The following GLB1 variants were observed in gnomAD, a reference collection of about 807,000 sequenced individuals.
GLB1 encodes beta-galactosidase.
GLB1 carries 56 observed loss-of-function variants against 74.0 expected under a neutral mutation model. That is an observed-to-expected ratio of 0.76 (90% CI 0.61 to 0.94). The LOEUF is 0.94. Among genes scored for constraint, GLB1 ranks in the 40% least tolerant of loss-of-function variants. The pLI is 0.00. For missense variants in GLB1, 787 were observed against 845.5 expected, an observed-to-expected ratio of 0.93 and a Z score of 0.86; for synonymous variants, 323 against 323.6, an observed-to-expected ratio of 1.00 and a Z score of 0.02.
chr3:32,977,194 C>A, the GLB1 span, among the ~76,000 whole-genome samples: 1 of 148,188 alleles, frequency 6.7e-6, no homozygotes, highest in Non-Finnish European at 1.5e-5. Flanking sequence ...GTTTTAAAGA[C>A]AAACCTCATC....
intron 6 of GLB1, among the ~76,000 whole-genome samples, chr3:33,054,943 C>A (rs1460967773): frequency 6.6e-6 from 1 of 152,214 alleles, no homozygotes; most frequent in East Asian, 1.9e-4. Flanking sequence ...CCAGGGTGGA[C>A]GTGGCCCCAG....
chr3:32,984,929 G>A, the GLB1 span, among the ~76,000 whole-genome samples: 10 of 148,760 alleles, frequency 6.7e-5, no homozygotes, highest in South Asian at 1.1e-3. Flanking sequence ...GTGACAGAGC[G>A]AGACTCTGTC....
intron 15 of GLB1, among the ~76,000 whole-genome samples, chr3:33,012,047 C>A (rs1165556650): frequency 6.6e-6 from 1 of 152,170 alleles, no homozygotes; most frequent in Admixed American, 6.5e-5. Context: ...TTGGTCTCTC[C>A]TCTTCAGTCT....
intron 5 of GLB1, among the ~76,000 whole-genome samples, chr3:33,060,778 G>T (rs896173798): frequency 4.6e-5 from 7 of 152,184 alleles, no homozygotes; most frequent in African/African-American, 1.7e-4. Context: ...GCTGGCAGGG[G>T]CCCAACTGTC....
chr3:32,968,814 A>G, the GLB1 span, among the ~76,000 whole-genome samples: 1 of 152,334 alleles, frequency 6.6e-6, no homozygotes, highest in African/African-American at 2.4e-5. Context: ...AATGAAAGGG[A>G]GGCCATAGAG....
intron 15 of GLB1, among the ~76,000 whole-genome samples, chr3:33,003,542 C>T (rs1052743009): frequency 6.6e-5 from 10 of 152,144 alleles, no homozygotes; most frequent in African/African-American, 1.9e-4. Context: ...TCAAAGTTCA[C>T]GGGACTTGTG....
intron 7 of GLB1, among the ~76,000 whole-genome samples, chr3:33,052,212 T>A (rs1411175756): frequency 6.6e-6 from 1 of 152,194 alleles, no homozygotes; most frequent in Non-Finnish European, 1.5e-5. Flanking sequence ...GTAGATCTCA[T>A]CTTATACAAT....
chr3:33,094,383 T>C (rs1204235512), intron 1 of GLB1: 1 of 1,363,902 alleles, frequency 7.3e-7, no homozygotes. Flanking sequence ...GCCACTTACA[T>C]CTGCCCAACC....
At chr3:33,060,809 G>A (rs1699412660) in intron 5 of GLB1, among the ~76,000 whole-genome samples, 1 of 152,150 alleles carries the variant, frequency 6.6e-6, no homozygotes. Flanking sequence ...TCTGAGCTCT[G>A]CCACTTCCTA....
chr3:33,052,055 T>C lies in GLB1; in HGVS notation c.793-51A>G, dbSNP rs113749704. 8.0e-4 allele frequency: 1,285 copies of C among 1,606,746 alleles called. 12 individuals are homozygous for C. In the African/African-American group the frequency reaches 9.2e-3, roughly 12 times the overall value. ...TTAGGATAGACTTATGACCTTCCAA[T>C]GCCAGGGCTTCCCTGCAATGCCCCA... On this transcript the variant is annotated intron_variant, in intron 7 of 15. Transcript: ENST00000307363.
chr3:33,021,599 G>A lies in GLB1; in HGVS notation c.1200C>T (p.Ser400=). 1 of 1,614,032 alleles carries A rather than the reference G, an allele frequency of 6.2e-7. No homozygotes were observed. The change falls in exon 12 of 16, where the codon AGC becomes AGT. Residue 400 remains serine, a synonymous_variant. Transcript: ENST00000307363. ...DILCPSGPIK[S]LYPLTFIQVK... is the part of the protein sequence containing the mutation. ...CCTGGATAAATGTCAAGGGATAAAGGCTTTTGATGGGCCCAGAGGGACACA... is the reference window on the plus strand; with the variant it reads ...CCTGGATAAATGTCAAGGGATAAAGACTTTTGATGGGCCCAGAGGGACACA...
chr3:33,014,095 C>A lies in GLB1; in HGVS notation c.1695G>T (p.Leu565Phe), dbSNP rs748372075. 6.2e-7 allele frequency: 1 copy of A among 1,614,160 alleles called. No homozygotes were observed. Among genetic ancestry groups the A allele is most frequent in the East Asian group, 2.2e-5 (1 of 44,878 alleles). ...NFSIPSGIPD[L>F]PQDTFIQFPG... The stretch of plus-strand genomic sequence containing the variant: ...GAAACTGGATAAAGGTGTCCTGGGG[C>A]AAGTCTGGGATCCCACTGGGAATGG... Residue 565 changes from leucine (L) to phenylalanine (F), a missense_variant, in exon 15 of 16, where the codon TTG becomes TTT. By Grantham distance (22) the Leu-to-Phe change is conservative. Coordinates refer to ENST00000307363, the MANE Select transcript of GLB1 (RefSeq NM_000404.4).
At chr3:33,033,509 G>A (rs938787693) in intron 10 of GLB1, among the ~76,000 whole-genome samples, 7 of 152,122 alleles carry the variant, frequency 4.6e-5, no homozygotes, top group South Asian at 2.1e-4. Context: ...GAGGCTAGGC[G>A]GGGTGGCTCA....
intron 7 of GLB1, 92 bp from the exon 8 acceptor site, chr3:33,052,096 A>G: frequency 1.9e-6 from 3 of 1,596,458 alleles, no homozygotes; most frequent in Non-Finnish European, 2.5e-6. Flanking sequence ...GACAGGTGTA[A>G]AGGGGGTTGA....
chr3:32,997,230 T>C lies in GLB1; in HGVS notation c.1849A>G (p.Thr617Ala). 6.2e-7 allele frequency: 1 copy of C among 1,614,078 alleles called. No homozygotes were observed. Among genetic ancestry groups the C allele is most frequent in the Non-Finnish European group, 8.5e-7 (1 of 1,180,006 alleles). Residue 617 changes from threonine (T) to alanine (A), a missense_variant, in exon 16 of 16, where the codon ACC (threonine) becomes GCC (alanine). By Grantham distance (58) the Thr-to-Ala change is moderately conservative. Coordinates refer to ENST00000307363, the MANE Select transcript of GLB1 (RefSeq NM_000404.4). ...GGTGCCCACTCCAGTTCCAGCACGG[T>C]GATGGTGTTTGGGGCCGAGGTCATC... ...ILMTSAPNTI[T>A]VLELEWAPCS...
chr3:33,051,762 C>T lies in GLB1; in HGVS notation c.951G>A (p.Trp317Ter), dbSNP rs1000643135. Residue 317 changes from tryptophan to a stop codon, truncating the protein, a stop_gained, in exon 9 of 16, where the codon TGG becomes TGA. Coordinates refer to ENST00000307363, the MANE Select transcript of GLB1 (RefSeq NM_000404.4). LOFTEE classifies it high-confidence loss of function. Reference protein sequence around the residue: ...MFIGGTNFAYWNGANSPYAAQ... With the variant: ...MFIGGTNFAY ...CAGATATTAAAGTGCTCTTACCATT[C>T]CAATAGGCAAAATTGGTCCCACCTA... 1 of 1,614,184 alleles carries T rather than the reference C, an allele frequency of 6.2e-7. No individual in the cohort carries two copies. The highest frequency in any genetic ancestry group is 8.5e-7 in the Non-Finnish European group (1 of 1,180,036).
In GLB1 at chr3:33,053,495, G is replaced by T. The variant is rs1205162949; in HGVS notation, c.788C>A (p.Pro263His). 6.2e-7 allele frequency: 1 copy of T among 1,614,108 alleles called. No individual in the cohort carries two copies. The highest frequency in any genetic ancestry group is 1.7e-5 in the Admixed American group (1 of 60,018). The part of the protein sequence containing the change: ...LSQRKCEPKG[P>H]LINSEFYTGW... ...CACCTCACCCTCGATTCTTACCAAG[G>T]GTCCTTTGGGCTCACACTTCCTCTG... Residue 263 changes from proline to histidine, a missense_variant, in exon 7 of 16, where the codon CCC becomes CAC. Transcript: ENST00000307363.
intron 2 of GLB1, among the ~76,000 whole-genome samples, chr3:33,072,107 C>A (rs1699908835): frequency 6.6e-6 from 1 of 152,244 alleles, no homozygotes; most frequent in Admixed American, 6.5e-5. Context: ...ACCTGTGCTA[C>A]AGCTGCCTGC....
At chr3:33,077,073 T>A (rs1250809233) in intron 1 of GLB1, 4 of 1,336,342 alleles carry the variant, frequency 3.0e-6, no homozygotes, top group Non-Finnish European at 2.9e-6. Context: ...AAAAAAAAAT[T>A]AAAATTAGTG....
Sources: gnomAD v4.1 joint callset for allele counts (sites outside exome capture counted in the v4.1 genomes callset) on GRCh38, gnomAD v4.1.1 for gene constraint, MANE v1.5 for transcripts, NCBI Gene and HGNC (gene_info 2026-07-23, HGNC 2026-07-21) for gene names.